MAP7: variants seen among roughly 807,000 people sequenced by gnomAD.
The protein encoded by MAP7 is ensconsin.
MAP7 carries 52 observed loss-of-function variants against 94.8 expected under a neutral mutation model. That is an observed-to-expected ratio of 0.55 (90% CI 0.44 to 0.69). The LOEUF (loss-of-function observed/expected upper bound fraction) is 0.69, where lower values mean the gene tolerates loss of function less well. MAP7 is among the 30% of genes least tolerant of loss of function. MAP7 has a pLI of 0.00. For synonymous variants in MAP7, 350 were observed against 357.0 expected, an observed-to-expected ratio of 0.98 and a Z score of 0.22; for missense variants, 940 against 964.6, an observed-to-expected ratio of 0.97 and a Z score of 0.34.
intron 3 of MAP7, among the ~76,000 whole-genome samples, chr6:136,391,975 G>A (rs572517251): frequency 7.9e-5 from 12 of 152,258 alleles, no homozygotes; most frequent in African/African-American, 2.9e-4. Flanking sequence ...AATAATAAAC[G>A]GTAAAACAAC....
At chr6:136,436,552 T>A (rs1024006609) in intron 1 of MAP7, among the ~76,000 whole-genome samples, 6 of 152,166 alleles carry the variant, frequency 3.9e-5, no homozygotes, top group Admixed American at 3.9e-4. Flanking sequence ...GCTGATATTT[T>A]TATTTTTTGT....
At chr6:136,433,779 T>C (rs1183733543) in intron 1 of MAP7, among the ~76,000 whole-genome samples, 1 of 152,194 alleles carries the variant, frequency 6.6e-6, no homozygotes, top group East Asian at 1.9e-4. Context: ...GCACCTTCTC[T>C]GGATAGGCAA....
chr6:136,408,414 A>T (rs1786295467), intron 3 of MAP7, among the ~76,000 whole-genome samples: 1 of 152,212 alleles, frequency 6.6e-6, no homozygotes, highest in African/African-American at 2.4e-5. Flanking sequence ...GAAAGTTATT[A>T]ATAAGTCCTT....
chr6:136,379,068 T>A (rs1777015748), intron 6 of MAP7, among the ~76,000 whole-genome samples: 1 of 152,174 alleles, frequency 6.6e-6, no homozygotes, highest in South Asian at 2.1e-4. Flanking sequence ...GCTGCTTCTG[T>A]TCCACTCCAC....
At chr6:136,381,919 C>CACACACACACACACACAGAG (rs373754692) in intron 6 of MAP7, among the ~76,000 whole-genome samples, 22 of 102,974 alleles carry the variant, frequency 2.1e-4, no homozygotes, top group Non-Finnish European at 3.3e-4. Context: ...CACACACACA[C>CACACACACACACACACAGAG]AGAGAGAGAG....
intron 1 of MAP7, among the ~76,000 whole-genome samples, chr6:136,545,855 C>T (rs913525081): frequency 6.6e-6 from 1 of 151,934 alleles, no homozygotes; most frequent in African/African-American, 2.4e-5. Flanking sequence ...GAAATAATTA[C>T]ATCATGGAGA....
chr6:136,416,927 A>T (rs952753145), intron 2 of MAP7, among the ~76,000 whole-genome samples: 2 of 152,104 alleles, frequency 1.3e-5, no homozygotes, highest in Non-Finnish European at 2.9e-5. Context: ...GCCCAGGCCT[A>T]TTTGAAAAAG....
intron 1 of MAP7, among the ~76,000 whole-genome samples, chr6:136,469,291 T>TTCCC (rs974951484): frequency 2.0e-5 from 3 of 152,004 alleles, no homozygotes; most frequent in Non-Finnish European, 4.4e-5. Context: ...TTTTCTTTCT[T>TTCCC]TCCCTCCCTC....
At chr6:136,416,428 T>C (rs999225342) in intron 2 of MAP7, among the ~76,000 whole-genome samples, 5 of 152,358 alleles carry the variant, frequency 3.3e-5, no homozygotes, top group Middle Eastern at 3.4e-3. Flanking sequence ...GTGAATTTCC[T>C]ATAATTCATT....
chr6:136,544,787 C>T (rs954119862), intron 1 of MAP7, among the ~76,000 whole-genome samples: 28 of 151,928 alleles, frequency 1.8e-4, no homozygotes, highest in African/African-American at 6.8e-4. Flanking sequence ...GGTTTTTTTC[C>T]TGTTTCTCCC....
chr6:136,414,982 T>G (rs1445301129), intron 2 of MAP7, among the ~76,000 whole-genome samples: 1 of 151,942 alleles, frequency 6.6e-6, no homozygotes, highest in East Asian at 1.9e-4. Flanking sequence ...GCCCAGCTAT[T>G]GTATTTTTAG....
intron 1 of MAP7, among the ~76,000 whole-genome samples, chr6:136,458,385 C>A (rs1005799765): frequency 2.0e-5 from 3 of 152,098 alleles, no homozygotes; most frequent in Non-Finnish European, 4.4e-5. Flanking sequence ...CAATCCATAT[C>A]AAAATCTCAA....
intron 3 of MAP7, among the ~76,000 whole-genome samples, chr6:136,411,268 T>G (rs17722916): frequency 0.03 from 4,638 of 152,254 alleles, 161 homozygotes; most frequent in African/African-American, 0.082. Context: ...AACAGAGAAG[T>G]CAGTTAAGTG....
At chr6:136,426,006 C>A (rs988590772) in intron 1 of MAP7, among the ~76,000 whole-genome samples, 2 of 152,128 alleles carry the variant, frequency 1.3e-5, no homozygotes, top group Non-Finnish European at 2.9e-5. Flanking sequence ...TCCTATGTTT[C>A]TAGGTTACAC....
intron 1 of MAP7, among the ~76,000 whole-genome samples, chr6:136,507,234 T>C (rs1821809203): frequency 6.6e-6 from 1 of 151,958 alleles, no homozygotes; most frequent in Non-Finnish European, 1.5e-5. Context: ...TCAATCTCAA[T>C]GGAGGGCTTA....
At chr6:136,538,636 T>C (rs1156414263) in intron 1 of MAP7, among the ~76,000 whole-genome samples, 2 of 150,824 alleles carry the variant, frequency 1.3e-5, no homozygotes, top group Non-Finnish European at 3.0e-5. Flanking sequence ...AAAAAAAAAA[T>C]TAGCTGGTGC....
chr6:136,413,170 GA>G (rs942077402), intron 2 of MAP7, among the ~76,000 whole-genome samples: 4 of 150,864 alleles, frequency 2.7e-5, no homozygotes, highest in Non-Finnish European at 5.9e-5. Context: ...TCCAAAAAAA[GA>G]AAAAAGAATT....
At chr6:136,450,041 T>C (rs1477168058) in intron 1 of MAP7, among the ~76,000 whole-genome samples, 4 of 152,010 alleles carry the variant, frequency 2.6e-5, no homozygotes, top group Admixed American at 2.6e-4. Flanking sequence ...AATGCAAAAT[T>C]AGCTGAGCAT....
chr6:136,466,908 ATC>A, intron 1 of MAP7: 1 of 1,495,096 alleles, frequency 6.7e-7, no homozygotes, highest in Non-Finnish European at 8.9e-7. Context: ...GCTAACTATT[ATC>A]TCTCACACAG....
Sources: gnomAD v4.1 joint callset for allele counts (sites outside exome capture counted in the v4.1 genomes callset) on GRCh38, gnomAD v4.1.1 for gene constraint, MANE v1.5 for transcripts, NCBI Gene and HGNC (gene_info 2026-07-23, HGNC 2026-07-21) for gene names.